The following MRPS27 variants were observed in gnomAD, a reference collection of about 807,000 sequenced individuals.
The protein encoded by MRPS27 is mitochondrial ribosomal protein S27, also known as small ribosomal subunit protein mS27.
In MRPS27, 43 loss-of-function variants were observed where a neutral mutation model predicts 48.9. The observed-to-expected ratio is 0.88, with a 90% CI of 0.69 to 1.13. MRPS27 has a LOEUF of 1.13. Ranked by LOEUF, MRPS27 falls within the 50% of genes most tolerant of loss-of-function variation. The probability of loss-of-function intolerance (pLI) is 0.00; values close to 1 mark genes in which losing one functional copy is unlikely to be tolerated. For synonymous variants in MRPS27, 188 were observed against 171.9 expected, an observed-to-expected ratio of 1.09 and a Z score of -0.73; for missense variants, 467 against 476.3, an observed-to-expected ratio of 0.98 and a Z score of 0.18.
chr5:72,225,825 GT>G (rs1189851991), intron 9 of MRPS27, among the ~76,000 whole-genome samples: 3 of 149,576 alleles, frequency 2.0e-5, no homozygotes, highest in South Asian at 2.1e-4. Flanking sequence ...CAGTGGAATA[GT>G]TTTTTTTTCC....
intron 6 of MRPS27, among the ~76,000 whole-genome samples, chr5:72,232,798 G>T (rs747524373): frequency 1.4e-4 from 21 of 152,084 alleles, no homozygotes; most frequent in Non-Finnish European, 2.6e-4. Flanking sequence ...CTGCACCAAC[G>T]TCCTGAAGGA....
At chr5:72,231,463 G>C (rs1748064054) in intron 7 of MRPS27, among the ~76,000 whole-genome samples, 1 of 152,200 alleles carries the variant, frequency 6.6e-6, no homozygotes, top group Admixed American at 6.5e-5. Context: ...GATAGTCATA[G>C]TTTTATATCT....
At chr5:72,221,173 G>A in intron 10 of MRPS27, 25 bp from the exon 11 acceptor site, 1 of 1,610,962 alleles carries the variant, frequency 6.2e-7, no homozygotes, top group Non-Finnish European at 8.5e-7. Flanking sequence ...TGGGAAAAAT[G>A]AGAAGAAAGG....
In MRPS27 at chr5:72,221,112, C is replaced by T. The variant is rs1175561410; in HGVS notation, c.1042G>A (p.Glu348Lys). 3.7e-6 allele frequency: 6 copies of T among 1,614,064 alleles called. No homozygotes were observed. The highest frequency in any genetic ancestry group is 1.1e-5 in the South Asian group (1 of 91,082). Reference sequence around the variant, plus strand: ...GTCAGACTTAAAAGACCTTCTGACTCAATTTTGCCCAGAGCTTGAAGCTTA... The same window carrying T: ...GTCAGACTTAAAAGACCTTCTGACTTAATTTTGCCCAGAGCTTGAAGCTTA... ...HSKLQALGKI[E>K]SEGLLSLTTQ... The change falls in exon 11 of 11, where the codon GAG becomes AAG. Residue 348 changes from glutamate to lysine, a missense_variant. By Grantham distance (56) the Glu-to-Lys change is moderately conservative. Coordinates refer to ENST00000261413, the MANE Select transcript of MRPS27 (RefSeq NM_015084.3).
At chr5:72,296,279 A>G in intron 3 of MRPS27, among the ~76,000 whole-genome samples, 1 of 152,200 alleles carries the variant, frequency 6.6e-6, no homozygotes, top group East Asian at 1.9e-4. Flanking sequence ...GAATATAATG[A>G]AAACCTCATA....
intron 2 of MRPS27, among the ~76,000 whole-genome samples, chr5:72,303,882 C>CAAAAAAAA (rs397818748): frequency 2.0e-4 from 14 of 69,144 alleles, no homozygotes; most frequent in South Asian, 5.8e-4. Context: ...GACCTCATCT[C>CAAAAAAAA]AAAAAAAAAA....
At position 72,228,257 on chromosome 5, in the gene MRPS27, T is replaced by A; in HGVS notation, c.694+9A>T. 1 of 1,591,924 alleles carries A rather than the reference T, an allele frequency of 6.3e-7. No homozygotes were observed. The highest frequency in any genetic ancestry group is 8.6e-7 in the Non-Finnish European group (1 of 1,159,902). ...GAAGAACAGTATTTGTAAGGATCAT[T>A]TAGCTTACCAAGAAGTGCATAGCCA... On this transcript the variant is annotated intron_variant, in intron 8 of 10. Transcript: ENST00000261413.
chr5:72,314,282 C>T (rs1329760307), intron 1 of MRPS27, 124 bp from the exon 2 acceptor site: 25 of 626,172 alleles, frequency 4.0e-5, no homozygotes, highest in Non-Finnish European at 6.6e-5. Context: ...TAATCTAATA[C>T]AGTACAGCAA....
intron 7 of MRPS27, among the ~76,000 whole-genome samples, chr5:72,232,039 A>G (rs916705927): frequency 6.6e-6 from 1 of 152,304 alleles, no homozygotes; most frequent in African/African-American, 2.4e-5. Context: ...TAGACTTTCC[A>G]AAACGGAACT....
At chr5:72,278,429 C>A (rs1343551719) in intron 4 of MRPS27, among the ~76,000 whole-genome samples, 1 of 132,784 alleles carries the variant, frequency 7.5e-6, no homozygotes, top group Non-Finnish European at 1.5e-5. Flanking sequence ...GGTGACAGAG[C>A]GACTCTCCAT....
At chr5:72,303,708 T>G (rs1462256118) in intron 2 of MRPS27, among the ~76,000 whole-genome samples, 1 of 151,800 alleles carries the variant, frequency 6.6e-6, no homozygotes, top group Admixed American at 6.6e-5. Context: ...GTTGCAAGTA[T>G]AAACTATCAA....
intron 9 of MRPS27, among the ~76,000 whole-genome samples, chr5:72,225,555 A>G (rs1184622858): frequency 6.6e-6 from 1 of 152,192 alleles, no homozygotes; most frequent in African/African-American, 2.4e-5. Flanking sequence ...GTCCTGGTAA[A>G]GTGAACACCT....
chr5:72,285,650 T>A (rs1354319963), intron 4 of MRPS27, among the ~76,000 whole-genome samples: 1 of 152,130 alleles, frequency 6.6e-6, no homozygotes, highest in African/African-American at 2.4e-5. Flanking sequence ...GCTTCCTGAG[T>A]TGCTAGGACT....
At chr5:72,242,581 C>T (rs1357301346) in intron 4 of MRPS27, among the ~76,000 whole-genome samples, 1 of 150,516 alleles carries the variant, frequency 6.6e-6, no homozygotes, top group Non-Finnish European at 1.5e-5. Flanking sequence ...GCCTGTAATC[C>T]CAGCACTTTT....
In MRPS27 at chr5:72,288,301, G is replaced by C. The variant is rs145992970; in HGVS notation, c.281+7230C>G. ...CGGCTCACTGCAAGCTCCGCCTCCT[G>C]GGTTCATGCCGTTCTCCCGCCTTAG... On this transcript the variant is annotated intron_variant, in intron 4 of 10. Coordinates refer to ENST00000261413, the MANE Select transcript of MRPS27 (RefSeq NM_015084.3). Among the ~76,000 whole-genome samples, 568 of 151,700 alleles carry C rather than the reference G, an allele frequency of 3.7e-3. 1 individual carries two copies. Among genetic ancestry groups the C allele is most frequent in the African/African-American group, 0.013 (552 of 41,340 alleles).
intron 1 of MRPS27, among the ~76,000 whole-genome samples, chr5:72,319,366 C>T (rs1032090923): frequency 8.6e-5 from 13 of 152,002 alleles, no homozygotes; most frequent in African/African-American, 3.1e-4. Context: ...AAAAGTTGTG[C>T]TCTAGGTCAT....
chr5:72,308,658 T>C (rs1561364672), intron 2 of MRPS27, among the ~76,000 whole-genome samples: 2 of 152,192 alleles, frequency 1.3e-5, no homozygotes, highest in Admixed American at 6.5e-5. Flanking sequence ...CCCTGCTAAG[T>C]GCCAGTAGCT....
intron 2 of MRPS27, chr5:72,307,839 A>G (rs1308006934): frequency 6.6e-6 from 1 of 152,228 alleles, no homozygotes; most frequent in Non-Finnish European, 1.5e-5. Context: ...CGACTTGCAC[A>G]CTTTTCAGTA....
chr5:72,265,685 C>G (rs1429643913), intron 4 of MRPS27, among the ~76,000 whole-genome samples: 1 of 152,166 alleles, frequency 6.6e-6, no homozygotes, highest in Non-Finnish European at 1.5e-5. Flanking sequence ...AAAGTTTGGA[C>G]AGATGTCTCA....
Sources: gnomAD v4.1 joint callset for allele counts (sites outside exome capture counted in the v4.1 genomes callset) on GRCh38, gnomAD v4.1.1 for gene constraint, MANE v1.5 for transcripts, NCBI Gene and HGNC (gene_info 2026-07-23, HGNC 2026-07-21) for gene names.